Variants in GSN observed in about 807,000 individuals in gnomAD.
GSN encodes the protein gelsolin.
In GSN, 56 loss-of-function variants were observed where a neutral mutation model predicts 85.7. The ratio of observed to expected loss-of-function variants is 0.65; its 90% CI spans 0.53 to 0.82. The LOEUF is 0.82. Among genes scored for constraint, GSN ranks in the 40% least tolerant of loss-of-function variants. The probability of loss-of-function intolerance (pLI) is 0.00; values close to 1 mark genes in which losing one functional copy is unlikely to be tolerated. For synonymous variants in GSN, 373 were observed against 399.1 expected (o/e 0.93, Z 0.78); for missense variants, 857 against 979.8 (o/e 0.87, Z 1.67).
In GSN at chr9:121,302,892, T is replaced by C; in HGVS notation, c.197-19T>C. On this transcript the variant is annotated intron_variant, in intron 3 of 17. Coordinates refer to ENST00000432226, the MANE Select transcript of GSN (RefSeq NM_198252.3). Reference sequence around the variant, plus strand: ...ATACTTCTGGAAAGCCAGGCTCATATTGCTCTGATGTCCCGTAGGCAATGA... The same window carrying C: ...ATACTTCTGGAAAGCCAGGCTCATACTGCTCTGATGTCCCGTAGGCAATGA... The C allele has an allele frequency of 6.2e-7, 1 of 1,612,984 alleles. No homozygotes were observed. Among genetic ancestry groups the C allele is most frequent in the Non-Finnish European group, 8.5e-7 (1 of 1,179,860 alleles).
intron 6 of GSN, among the ~76,000 whole-genome samples, chr9:121,251,460 G>A (rs1240070801): frequency 1.3e-5 from 2 of 151,746 alleles, no homozygotes; most frequent in Non-Finnish European, 2.9e-5. Flanking sequence ...GCCTCCCAAA[G>A]TGCTAGGATT....
rs939127206 is a variant in GSN, at chr9:121,232,232, T to C, written c.-389+929T>C. Among the ~76,000 whole-genome samples the C allele has an allele frequency of 6.6e-5, 10 of 152,246 alleles. 1 individual carries two copies. The highest frequency in any genetic ancestry group is 2.4e-4 in the African/African-American group (10 of 41,460). On this transcript the variant is annotated intron_variant, in intron 5 of 24. Coordinates refer to the GSN transcript ENST00000373823. ...TCAGGGACTGGACCTGCTTCATGACTGTCCAGTGCTGAGCACAGGGTGTGG... is the reference window on the plus strand; with the variant it reads ...TCAGGGACTGGACCTGCTTCATGACCGTCCAGTGCTGAGCACAGGGTGTGG...
At chr9:121,324,741 C>CCA in intron 12 of GSN, 97 bp downstream of exon 12, 1 of 700,570 alleles carries the variant, frequency 1.4e-6, no homozygotes, top group Admixed American at 2.0e-5. Context: ...GTTTGTCCAT[C>CCA]TGTCTGTCTG....
intron 5 of GSN, among the ~76,000 whole-genome samples, chr9:121,246,498 T>C (rs2054702287): frequency 6.6e-6 from 1 of 152,214 alleles, no homozygotes; most frequent in African/African-American, 2.4e-5. Flanking sequence ...TCCATGTATA[T>C]TCATGAGACT....
intron 4 of GSN, 39 bp from the exon 5 acceptor site, chr9:121,310,645 C>G (rs761487236): frequency 2.5e-6 from 4 of 1,606,626 alleles, no homozygotes; most frequent in South Asian, 2.2e-5. Flanking sequence ...TTCCCTGGGC[C>G]TTCTCCCCTG....
At chr9:121,320,533 T>C (rs2133732245) in intron 10 of GSN, among the ~76,000 whole-genome samples, 1 of 151,908 alleles carries the variant, frequency 6.6e-6, no homozygotes, top group Admixed American at 6.6e-5. Flanking sequence ...TAATCCCAGC[T>C]ACTCGGGAGG....
intron 14 of GSN, 87 bp downstream of exon 14, chr9:121,327,569 C>A: frequency 9.0e-7 from 1 of 1,108,254 alleles, no homozygotes; most frequent in Non-Finnish European, 1.3e-6. Flanking sequence ...GGCTCTAAAT[C>A]CTCCCCTCCA....
chr9:121,255,424 C>G (rs891901518), intron 6 of GSN, among the ~76,000 whole-genome samples: 1 of 152,090 alleles, frequency 6.6e-6, no homozygotes, highest in African/African-American at 2.4e-5. Flanking sequence ...TTTATAGAGA[C>G]GGGATATTAC....
At chr9:121,207,618 T>C (rs1318451391), upstream of GSN, among the ~76,000 whole-genome samples, 1 of 152,140 alleles carries the variant, frequency 6.6e-6, no homozygotes, top group East Asian at 1.9e-4. Flanking sequence ...GGCAGGATTT[T>C]TTGTATTGTA....
intron 2 of GSN, chr9:121,286,235 G>T: frequency 8.1e-7 from 1 of 1,236,176 alleles, no homozygotes; most frequent in South Asian, 1.3e-5. Flanking sequence ...TCAGAGGAGG[G>T]ACGCCAGGGA....
chr9:121,327,371 G>A lies in GSN; in HGVS notation c.1651G>A (p.Ala551Thr), dbSNP rs777955781. The change falls in exon 14 of 18, where the codon GCC (alanine) becomes ACC (threonine). Residue 551 changes from alanine (A) to threonine (T), a missense_variant. Transcript: ENST00000432226. ...CTTTGTTCTGAAAACCCCCTCAGCC[G>A]CCTACCTGTGGGTGGGTACAGGAGC... ...DAFVLKTPSA[A>T]YLWVGTGASE... is the part of the protein sequence containing the mutation. 1.1e-5 allele frequency: 18 copies of A among 1,613,678 alleles called. No individual in the cohort carries two copies. The highest frequency in any genetic ancestry group is 8.9e-5 in the East Asian group (4 of 44,880).
chr9:121,274,449 A>G (rs2056413883), intron 1 of GSN, among the ~76,000 whole-genome samples: 1 of 152,200 alleles, frequency 6.6e-6, no homozygotes, highest in South Asian at 2.1e-4. Flanking sequence ...ATTTCCTAGA[A>G]GTGAGCCCTA....
Position 121,332,339 on chromosome 9 carries a change from CTTCT to C in GSN, c.2027-92_2027-89del, listed in dbSNP as rs1232016468. On this transcript the variant is annotated intron_variant, in intron 17 of 17. Coordinates refer to ENST00000432226, the MANE Select transcript of GSN (RefSeq NM_198252.3). This position sits in a 1 kb window ranked among gnomAD's most constrained non-coding sequence, Gnocchi z 4.8. ...TAGGGACAGTAGGACCATAGACCCT[CTTCT>C]TTGTCAACTCCTGTCCTGAGTCACC... 7.7e-5 allele frequency: 87 copies of C among 1,135,556 alleles called. No homozygotes were observed. The African/African-American group carries it at 1.2e-3, about 16-fold the overall frequency. 70.3% of individuals were successfully genotyped at this position (1,135,556 alleles called of 1,614,324 possible).
chr9:121,309,077 T>C (rs1035021468), intron 4 of GSN: 6 of 152,244 alleles, frequency 3.9e-5, no homozygotes, highest in African/African-American at 1.4e-4. Flanking sequence ...GAGCACCCGA[T>C]TGGGAGGAGG....
chr9:121,314,105 A>G (rs1344169919), intron 7 of GSN, 82 bp downstream of exon 7: 5 of 1,097,606 alleles, frequency 4.6e-6, no homozygotes, highest in Non-Finnish European at 5.6e-6. Flanking sequence ...CTCCACTGCT[A>G]TGGGACCTTG....
rs2054156491 is a variant in GSN, at chr9:121,220,841, AT to A, written c.-528+9977del. Among the ~76,000 whole-genome samples, 4 of 152,324 alleles carry A rather than the reference AT, an allele frequency of 2.6e-5. No individual in the cohort carries two copies. In the South Asian group the frequency reaches 8.3e-4, roughly 32 times the overall value. ...AATCGCGTTGTTTTGTTTTCCTTGT[AT>A]TTATTTTTATGGAAATGAAGTTGAT... On this transcript the variant is annotated intron_variant, in intron 4 of 24. Coordinates refer to the GSN transcript ENST00000373823.
intron 1 of GSN, among the ~76,000 whole-genome samples, chr9:121,276,471 G>A (rs1225663546): frequency 6.6e-6 from 1 of 152,226 alleles, no homozygotes; most frequent in Non-Finnish European, 1.5e-5. Context: ...AGGACCGAAT[G>A]ACTTGGCTCT....
intron 5 of GSN, among the ~76,000 whole-genome samples, chr9:121,243,346 T>G (rs1320038671): frequency 6.6e-6 from 1 of 152,184 alleles, no homozygotes; most frequent in Non-Finnish European, 1.5e-5. Flanking sequence ...AGAGATCACT[T>G]CGATAATTCA....
chr9:121,231,820 C>G (rs2054393475), intron 5 of GSN, among the ~76,000 whole-genome samples: 1 of 152,130 alleles, frequency 6.6e-6, no homozygotes, highest in South Asian at 2.1e-4. Flanking sequence ...TAGCTCACAC[C>G]TGTAATCCCA....
Sources: allele counts gnomAD v4.1 joint callset (sites outside exome capture counted in the v4.1 genomes callset), GRCh38; gene constraint gnomAD v4.1.1; non-coding constraint Gnocchi (gnomAD v3.1); transcripts MANE v1.5; gene names NCBI Gene and HGNC (gene_info 2026-07-23, HGNC 2026-07-21).